ADGRG1: variants seen among roughly 807,000 people sequenced by gnomAD.
ADGRG1 encodes the protein 7-transmembrane protein with no EGF-like N-terminal domains-1.
ADGRG1 carries 53 observed loss-of-function variants against 73.5 expected under a neutral mutation model. The ratio of observed to expected loss-of-function variants is 0.72; its 90% CI spans 0.58 to 0.91. The LOEUF is 0.91. ADGRG1 is among the 40% of genes least tolerant of loss of function. ADGRG1 has a pLI of 0.00. For missense variants in ADGRG1, 795 were observed against 871.8 expected (o/e 0.91, Z 1.11); for synonymous variants, 394 against 374.4 (o/e 1.05, Z -0.60).
intron 10 of ADGRG1, chr16:57,658,806 G>A (rs1166882615): frequency 9.5e-6 from 2 of 210,302 alleles, no homozygotes; most frequent in South Asian, 1.7e-4. Flanking sequence ...TCACAGATAG[G>A]CAAACTGAGA....
At chr16:57,638,554 T>C (rs2039940127) in intron 1 of ADGRG1, among the ~76,000 whole-genome samples, 1 of 152,148 alleles carries the variant, frequency 6.6e-6, no homozygotes, top group Non-Finnish European at 1.5e-5. Context: ...GGGGGATTCT[T>C]GGTAGGCTGT....
rs746161688 is a variant in ADGRG1 at position 57,661,818 on chromosome 16, C to T, written c.1786C>T (p.His596Tyr). The change falls in exon 13 of 14, where the codon CAC (histidine) becomes TAC (tyrosine). Residue 596 changes from histidine (H) to tyrosine (Y), a missense_variant. His to Tyr is a moderately conservative substitution (Grantham distance 83). Coordinates refer to ENST00000562631, the MANE Select transcript of ADGRG1 (RefSeq NM_201525.4). ...GGTGCAGATCCTGCGGCTGCGCCCC[C>T]ACACCCAAAAGTGGTCACATGTGCT... ...MVVQILRLRP[H>Y]TQKWSHVLTL... The T allele has an allele frequency of 6.2e-7, 1 of 1,614,150 alleles. No homozygotes were observed. The highest frequency in any genetic ancestry group is 1.3e-5 in the African/African-American group (1 of 74,952).
At chr16:57,622,982 A>G, upstream of ADGRG1, 1 of 985,436 alleles carries the variant, frequency 1.0e-6, no homozygotes, top group Non-Finnish European at 1.2e-6. Context: ...GCTCAAGGCC[A>G]TTTCTTGTTG....
intron 1 of ADGRG1, chr16:57,635,646 T>C: frequency 1.0e-6 from 1 of 983,998 alleles, no homozygotes; most frequent in Non-Finnish European, 1.2e-6. Context: ...CCCGCCCCTG[T>C]TCCCTGGGCC....
upstream of ADGRG1, chr16:57,623,282 G>T (rs561455916): frequency 2.1e-6 from 2 of 971,804 alleles, no homozygotes; most frequent in Non-Finnish European, 2.4e-6. Flanking sequence ...AGGTGTGGAC[G>T]CAGGAGCCCG....
chr16:57,653,044 C>T (rs2044518168), intron 3 of ADGRG1, 159 bp from the exon 4 acceptor site: 1 of 1,518,646 alleles, frequency 6.6e-7, no homozygotes, highest in East Asian at 2.3e-5. Context: ...TCTGAGTGGC[C>T]TTGGCAGAGT....
chr16:57,652,218 G>A, intron 3 of ADGRG1: 1 of 891,088 alleles, frequency 1.1e-6, no homozygotes, highest in South Asian at 4.9e-5. Context: ...CTTCCCCCTT[G>A]AGTGTGACAG....
chr16:57,635,078 C>T (rs1466412237), intron 1 of ADGRG1: 3 of 985,134 alleles, frequency 3.0e-6, no homozygotes, highest in Admixed American at 6.2e-5. Flanking sequence ...CAGGGAGAGG[C>T]TGAGGGAGGT....
chr16:57,645,836 G>C (rs573770302), intron 1 of ADGRG1: 1 of 152,368 alleles, frequency 6.6e-6, no homozygotes, highest in Admixed American at 6.5e-5. Flanking sequence ...GTTGTGTTGA[G>C]GGTGGGTTGT....
intron 1 of ADGRG1, chr16:57,641,380 A>G (rs1243101823): frequency 5.1e-6 from 5 of 983,228 alleles, no homozygotes; most frequent in Non-Finnish European, 6.0e-6. Context: ...AGACTTGGCC[A>G]TGAACCTCTA....
upstream of ADGRG1, chr16:57,623,135 G>T: frequency 2.1e-6 from 2 of 972,090 alleles, no homozygotes; most frequent in Non-Finnish European, 2.4e-6. Flanking sequence ...CACAAATGGG[G>T]CAAATCCTCC....
At chr16:57,635,266 A>C in intron 1 of ADGRG1, 1 of 985,326 alleles carries the variant, frequency 1.0e-6, no homozygotes, top group Non-Finnish European at 1.2e-6. Flanking sequence ...AGCTTCCTCA[A>C]AGCTGTACTT....
At position 57,640,741 on chromosome 16, in the gene ADGRG1, C is replaced by T. The variant is rs192845988; in HGVS notation, c.-35-9512C>T. Reference sequence around the variant, plus strand: ...CCTACTTAGTAGGGGAGGGTGCTCTCGGCCCCTCAGCCAGTGATCCAGGAC... The same window carrying T: ...CCTACTTAGTAGGGGAGGGTGCTCTTGGCCCCTCAGCCAGTGATCCAGGAC... On this transcript the variant is annotated intron_variant, in intron 1 of 13. Coordinates refer to ENST00000562631, the MANE Select transcript of ADGRG1 (RefSeq NM_201525.4). 1,018 of 255,718 alleles carry T rather than the reference C, an allele frequency of 4.0e-3. 4 individuals carry two copies. Among genetic ancestry groups the T allele is most frequent in the Non-Finnish European group, 5.1e-3 (837 of 162,770 alleles). The allele number at this position is 255,718 out of a possible 1,614,324, so 15.8% of individuals were successfully genotyped here. A position where few individuals can be genotyped will look rare whatever the true frequency, so the allele number is the denominator to read the frequency against.
At chr16:57,660,108 T>G (rs1361637003) in intron 11 of ADGRG1, 1 of 259,706 alleles carries the variant, frequency 3.9e-6, no homozygotes, top group Admixed American at 6.5e-5. Context: ...GGCATTTTGT[T>G]CTTGGCCAAT....
At chr16:57,644,649 C>T (rs944114413) in intron 1 of ADGRG1, among the ~76,000 whole-genome samples, 2 of 146,022 alleles carry the variant, frequency 1.4e-5, no homozygotes, top group Admixed American at 1.4e-4. Flanking sequence ...TGCATGGGCA[C>T]GCACACTCAT....
chr16:57,663,562 A>G lies in ADGRG1; in HGVS notation c.2044A>G (p.Thr682Ala). 1 of 1,613,472 alleles carries G rather than the reference A, an allele frequency of 6.2e-7. No homozygotes were observed. ...CAGGCTCCCCATCAGCTCGGGCAGC[A>G]CCTCGTCCAGCCGCATCTAGGCCTC... Reference protein sequence around the residue: ...SARLPISSGSTSSSRI With the variant: ...SARLPISSGSASSSRI Residue 682 changes from threonine to alanine, a missense_variant, in exon 14 of 14, where the codon ACC becomes GCC. Transcript: ENST00000562631.
intron 1 of ADGRG1, chr16:57,636,566 C>T (rs1597192957): frequency 2.0e-6 from 2 of 985,242 alleles, no homozygotes; most frequent in Non-Finnish European, 2.4e-6. Context: ...CCCCTATCCC[C>T]TACCCCTCAC....
rs1444647711 is a variant in ADGRG1, at chr16:57,646,675, T to TACC, written c.-35-3577_-35-3576insCCA. The TACC allele has an allele frequency of 3.7e-5, 36 of 985,206 alleles. No homozygotes were observed. The African/African-American group carries it at 5.9e-4, about 16-fold the overall frequency. 61.0% of individuals were successfully genotyped at this position (985,206 alleles called of 1,614,324 possible). ...GAAGGATGTGCATCTCTGGGGCCTT[T>TACC]ATCAATGCCAGCTCTACAAGGAGGG... On this transcript the variant is annotated intron_variant, in intron 1 of 13. Transcript: ENST00000562631.
At chr16:57,631,806 C>T in intron 1 of ADGRG1, 1 of 985,480 alleles carries the variant, frequency 1.0e-6, no homozygotes, top group African/African-American at 1.7e-5. Context: ...GACCCTGCCC[C>T]TCCTCCTGTC....
Sources: gnomAD v4.1 joint callset for allele counts (sites outside exome capture counted in the v4.1 genomes callset) on GRCh38, gnomAD v4.1.1 for gene constraint, MANE v1.5 for transcripts, NCBI Gene and HGNC (gene_info 2026-07-23, HGNC 2026-07-21) for gene names.